The following NEDD4L variants were observed in gnomAD, a reference collection of about 807,000 sequenced individuals.
The protein encoded by NEDD4L is NEDD4 like E3 ubiquitin protein ligase, also known as E3 ubiquitin-protein ligase NEDD4-like.
A neutral mutation model predicts 148.9 loss-of-function variants in NEDD4L; 54 were observed. The observed-to-expected ratio is 0.36, with a 90% CI of 0.29 to 0.45. NEDD4L has a LOEUF of 0.45. Among genes scored for constraint, NEDD4L ranks in the 20% least tolerant of loss-of-function variants. The probability of loss-of-function intolerance (pLI) is 1.00; values close to 1 mark genes in which losing one functional copy is unlikely to be tolerated. For missense variants in NEDD4L, 856 were observed against 1,233.8 expected (o/e 0.69, Z 4.59); for synonymous variants, 433 against 440.7 (o/e 0.98, Z 0.22).
chr18:58,340,929 TA>T, intron 13 of NEDD4L, 108 bp from the exon 14 acceptor site: 2 of 1,119,758 alleles, frequency 1.8e-6, no homozygotes, highest in Non-Finnish European at 2.5e-6. Flanking sequence ...TAAATAGATC[TA>T]ATTAACTTTG....
At chr18:58,317,795 G>T (rs1297250867) in intron 6 of NEDD4L, among the ~76,000 whole-genome samples, 1 of 152,190 alleles carries the variant, frequency 6.6e-6, no homozygotes, top group Non-Finnish European at 1.5e-5. Flanking sequence ...AGCCGTGAAC[G>T]CCCAGAGAGG....
intron 1 of NEDD4L, among the ~76,000 whole-genome samples, chr18:58,080,009 C>T (rs995430509): frequency 1.3e-5 from 2 of 152,152 alleles, no homozygotes; most frequent in Admixed American, 6.5e-5. Flanking sequence ...CTCACTGTAG[C>T]CTTGAACTCC....
At chr18:58,200,568 C>T (rs759304096) in intron 2 of NEDD4L, among the ~76,000 whole-genome samples, 12 of 152,260 alleles carry the variant, frequency 7.9e-5, no homozygotes, top group African/African-American at 2.4e-4. Flanking sequence ...ATTAAGATAA[C>T]GTGGATATGT....
intron 5 of NEDD4L, among the ~76,000 whole-genome samples, chr18:58,270,641 A>G (rs2050902632): frequency 6.6e-6 from 1 of 152,178 alleles, no homozygotes; most frequent in Admixed American, 6.5e-5. Context: ...CTAGTAAGGT[A>G]TATAGCCTGC....
At chr18:58,267,935 T>C (rs1340262352) in intron 5 of NEDD4L, among the ~76,000 whole-genome samples, 1 of 151,974 alleles carries the variant, frequency 6.6e-6, no homozygotes, top group Non-Finnish European at 1.5e-5. Flanking sequence ...AGGAGCAAGG[T>C]TTCTGCATGT....
chr18:58,067,989 T>C (rs912795262), intron 1 of NEDD4L, among the ~76,000 whole-genome samples: 5 of 152,110 alleles, frequency 3.3e-5, no homozygotes, highest in Non-Finnish European at 5.9e-5. Context: ...AGATAAGGTC[T>C]CCCTCTGTCA....
At chr18:58,214,994 T>G (rs916942947) in intron 2 of NEDD4L, among the ~76,000 whole-genome samples, 14 of 151,936 alleles carry the variant, frequency 9.2e-5, no homozygotes, top group African/African-American at 3.4e-4. Flanking sequence ...GTATTTTTAG[T>G]AGAGACAGGG....
intron 1 of NEDD4L, among the ~76,000 whole-genome samples, chr18:58,056,276 GT>G (rs1365010205): frequency 6.6e-6 from 1 of 152,234 alleles, no homozygotes; most frequent in Non-Finnish European, 1.5e-5. Context: ...CCCCCAAAAA[GT>G]GACAGCTGAC....
At chr18:58,301,739 C>T (rs1221843630) in intron 5 of NEDD4L, among the ~76,000 whole-genome samples, 1 of 152,032 alleles carries the variant, frequency 6.6e-6, no homozygotes, top group Non-Finnish European at 1.5e-5. Flanking sequence ...AAACATGGTG[C>T]GTATTTCTGC....
chr18:58,395,903 T>C (rs780953759), intron 30 of NEDD4L, among the ~76,000 whole-genome samples: 2 of 152,216 alleles, frequency 1.3e-5, no homozygotes, highest in African/African-American at 2.4e-5. Context: ...GGTTACTCCC[T>C]TCCCACCAGG....
chr18:58,284,199 TC>T (rs2053579978), intron 5 of NEDD4L, among the ~76,000 whole-genome samples: 1 of 152,216 alleles, frequency 6.6e-6, no homozygotes, highest in Admixed American at 6.5e-5. Flanking sequence ...AATATGCTAA[TC>T]AATATATATT....
intron 2 of NEDD4L, among the ~76,000 whole-genome samples, chr18:58,223,541 G>A (rs1320396587): frequency 6.6e-6 from 1 of 152,066 alleles, no homozygotes; most frequent in African/African-American, 2.4e-5. Context: ...GGATTTTTAT[G>A]TTTCATTCCA....
intron 1 of NEDD4L, among the ~76,000 whole-genome samples, chr18:58,110,887 A>G (rs2085377437): frequency 6.6e-6 from 1 of 152,164 alleles, no homozygotes; most frequent in South Asian, 2.1e-4. Context: ...TGCTGTTACC[A>G]TTATCCTTTT....
chr18:58,109,857 C>T (rs866954073), intron 1 of NEDD4L, among the ~76,000 whole-genome samples: 1 of 152,138 alleles, frequency 6.6e-6, no homozygotes, highest in African/African-American at 2.4e-5. Context: ...CATGAGCCAC[C>T]AAACCCGGCT....
At chr18:58,184,444 A>G (rs528210626) in intron 2 of NEDD4L, among the ~76,000 whole-genome samples, 46 of 152,084 alleles carry the variant, frequency 3.0e-4, no homozygotes, top group Non-Finnish European at 5.4e-4. Context: ...CCTGGAGTCA[A>G]TCATGCCGGG....
chr18:58,317,713 G>C (rs758955924), intron 6 of NEDD4L, among the ~76,000 whole-genome samples: 1 of 152,154 alleles, frequency 6.6e-6, no homozygotes, highest in Non-Finnish European at 1.5e-5. Flanking sequence ...GGCAGGGTCA[G>C]TGAGCCTTCA....
In NEDD4L at chr18:58,318,657, G is replaced by A. The variant is rs569920303; in HGVS notation, c.348+2625G>A. Among the ~76,000 whole-genome samples, 49 of 152,314 alleles carry A rather than the reference G, an allele frequency of 3.2e-4. 1 individual carries two copies. The South Asian group carries it at 9.3e-3, about 29-fold the overall frequency. ...ATTTGTCTGTTAAATTCAGTGCATC[G>A]TTGTCTAAAAATTCATATGATATTT... is the stretch of plus-strand genomic sequence containing the variant. On this transcript the variant is annotated intron_variant, in intron 6 of 30. Transcript: ENST00000400345.
At chr18:58,160,575 T>C (rs936335495) in intron 1 of NEDD4L, among the ~76,000 whole-genome samples, 1 of 152,228 alleles carries the variant, frequency 6.6e-6, no homozygotes, top group Non-Finnish European at 1.5e-5. Flanking sequence ...TAGCTAAATA[T>C]TTAATTCTAC....
intron 5 of NEDD4L, among the ~76,000 whole-genome samples, chr18:58,293,049 C>T (rs1353613880): frequency 6.6e-6 from 1 of 152,144 alleles, no homozygotes; most frequent in Non-Finnish European, 1.5e-5. Flanking sequence ...TGTCATTTTC[C>T]TGGGTTTTTA....
Sources: allele counts gnomAD v4.1 joint callset (sites outside exome capture counted in the v4.1 genomes callset), GRCh38; gene constraint gnomAD v4.1.1; transcripts MANE v1.5; gene names NCBI Gene and HGNC (gene_info 2026-07-23, HGNC 2026-07-21).